ST6GALNAC3: variants seen among roughly 807,000 people sequenced by gnomAD.
The protein encoded by ST6GALNAC3 is ST6 N-acetylgalactosaminide alpha-2,6-sialyltransferase 3.
Under a neutral mutation model 32.7 loss-of-function variants are expected in ST6GALNAC3, and 25 were observed. The ratio of observed to expected loss-of-function variants is 0.76; its 90% confidence interval spans 0.56 to 1.07. ST6GALNAC3 has a LOEUF of 1.07. ST6GALNAC3 is among the 50% of genes least tolerant of loss of function. The probability of loss-of-function intolerance (pLI) is 0.00; values close to 1 mark genes in which losing one functional copy is unlikely to be tolerated. For synonymous variants in ST6GALNAC3, 129 were observed against 133.1 expected (o/e 0.97, Z 0.21); for missense variants, 355 against 382.4 (o/e 0.93, Z 0.60).
intron 2 of ST6GALNAC3, among the ~76,000 whole-genome samples, chr1:76,395,955 A>G (rs928438175): frequency 1.3e-5 from 2 of 152,198 alleles, no homozygotes; most frequent in African/African-American, 4.8e-5. Flanking sequence ...CAAAATAGCT[A>G]GAAGCGAGGA....
chr1:76,616,612 A>C (rs750572217), intron 3 of ST6GALNAC3, among the ~76,000 whole-genome samples: 1 of 152,192 alleles, frequency 6.6e-6, no homozygotes, highest in Non-Finnish European at 1.5e-5. Flanking sequence ...AGCCTATTGG[A>C]AAAATGACAG....
At chr1:76,240,971 A>T (rs555731617) in intron 1 of ST6GALNAC3, among the ~76,000 whole-genome samples, 1 of 152,256 alleles carries the variant, frequency 6.6e-6, no homozygotes, top group Admixed American at 6.5e-5. Context: ...TAATCTTTTT[A>T]TTTACCTATT....
At chr1:76,224,724 A>C (rs927068384) in intron 1 of ST6GALNAC3, among the ~76,000 whole-genome samples, 1 of 152,198 alleles carries the variant, frequency 6.6e-6, no homozygotes, top group African/African-American at 2.4e-5. Context: ...AGGTGGATAG[A>C]AATATTTCCC....
Position 76,605,236 on chromosome 1 carries a change from A to G in ST6GALNAC3, c.624-22216A>G, listed in dbSNP as rs150160038. ...TTGATAGAAGATGATATTTCTGAGT[A>G]TTAACGTATGAGTAGGAGTTTGCTT... On this transcript the variant is annotated intron_variant, in intron 3 of 4. Transcript: ENST00000328299. Among the ~76,000 whole-genome samples the G allele has an allele frequency of 1.1e-4, 17 of 152,292 alleles. No individual in the cohort carries two copies. The East Asian group carries it at 3.3e-3, about 29-fold the overall frequency.
chr1:76,173,150 G>T (rs917468694), intron 1 of ST6GALNAC3, among the ~76,000 whole-genome samples: 1 of 152,054 alleles, frequency 6.6e-6, no homozygotes, highest in Admixed American at 6.5e-5. Flanking sequence ...ACTGACTAAT[G>T]GAGCAGAGTA....
At chr1:76,369,780 G>T (rs1650671650) in intron 2 of ST6GALNAC3, among the ~76,000 whole-genome samples, 1 of 152,120 alleles carries the variant, frequency 6.6e-6, no homozygotes, top group Non-Finnish European at 1.5e-5. Flanking sequence ...GACTTGAGGG[G>T]AAATATTCAG....
intron 1 of ST6GALNAC3, among the ~76,000 whole-genome samples, chr1:76,216,145 A>G (rs982867680): frequency 6.6e-6 from 1 of 152,216 alleles, no homozygotes; most frequent in African/African-American, 2.4e-5. Context: ...CTTGGTTGAA[A>G]TACTTCACCT....
At chr1:76,124,981 A>T (rs971880634) in intron 1 of ST6GALNAC3, among the ~76,000 whole-genome samples, 1 of 152,260 alleles carries the variant, frequency 6.6e-6, no homozygotes, top group African/African-American at 2.4e-5. Context: ...AAAATAGCTC[A>T]TTAATAATTT....
intron 3 of ST6GALNAC3, among the ~76,000 whole-genome samples, chr1:76,611,102 T>C (rs1243004761): frequency 6.6e-6 from 1 of 152,090 alleles, no homozygotes; most frequent in Non-Finnish European, 1.5e-5. Context: ...CATATATCCT[T>C]AGGCACTAAA....
chr1:76,170,103 A>G (rs1259802550), intron 1 of ST6GALNAC3, among the ~76,000 whole-genome samples: 2 of 152,070 alleles, frequency 1.3e-5, no homozygotes, highest in Admixed American at 1.3e-4. Flanking sequence ...AAGATTTTAG[A>G]GGGCCAACAT....
intron 3 of ST6GALNAC3, among the ~76,000 whole-genome samples, chr1:76,503,655 A>G (rs1412377846): frequency 1.3e-5 from 2 of 152,244 alleles, no homozygotes; most frequent in Non-Finnish European, 2.9e-5. Flanking sequence ...AAATCTGGAC[A>G]AGTGTGCTAG....
chr1:76,279,893 C>T (rs1003255700), intron 1 of ST6GALNAC3, among the ~76,000 whole-genome samples: 1 of 152,160 alleles, frequency 6.6e-6, no homozygotes, highest in African/African-American at 2.4e-5. Context: ...ATAGGTTACT[C>T]GACTGGAGGA....
At chr1:76,479,144 C>T (rs1011598712) in intron 3 of ST6GALNAC3, among the ~76,000 whole-genome samples, 2 of 152,084 alleles carry the variant, frequency 1.3e-5, no homozygotes, top group East Asian at 3.9e-4. Context: ...GAACTAAATA[C>T]TTTCCACTCC....
At chr1:76,123,836 A>G (rs923719232) in intron 1 of ST6GALNAC3, among the ~76,000 whole-genome samples, 2 of 124,492 alleles carry the variant, frequency 1.6e-5, no homozygotes, top group Non-Finnish European at 3.1e-5. Context: ...TGCAACCTCC[A>G]CCTCCCAGGT....
intron 3 of ST6GALNAC3, among the ~76,000 whole-genome samples, chr1:76,435,482 A>C (rs1388022629): frequency 6.6e-6 from 1 of 152,142 alleles, no homozygotes; most frequent in African/African-American, 2.4e-5. Flanking sequence ...GAAAGTTTTA[A>C]AGACTTGATA....
At chr1:76,492,112 A>T (rs1660539430) in intron 3 of ST6GALNAC3, among the ~76,000 whole-genome samples, 1 of 152,116 alleles carries the variant, frequency 6.6e-6, no homozygotes, top group African/African-American at 2.4e-5. Flanking sequence ...AGTAACCTGC[A>T]CCATGACTAG....
At chr1:76,470,280 G>T (rs1658930128) in intron 3 of ST6GALNAC3, among the ~76,000 whole-genome samples, 1 of 151,928 alleles carries the variant, frequency 6.6e-6, no homozygotes, top group African/African-American at 2.4e-5. Flanking sequence ...TAGAAACATA[G>T]ATCATAATAT....
chr1:76,124,410 G>A (rs1649098434), intron 1 of ST6GALNAC3, among the ~76,000 whole-genome samples: 1 of 152,218 alleles, frequency 6.6e-6, no homozygotes, highest in Admixed American at 6.5e-5. Context: ...GACTGGGCTG[G>A]GGAGGGGCCT....
chr1:76,333,669 A>T (rs1028077417), intron 2 of ST6GALNAC3, among the ~76,000 whole-genome samples: 1 of 152,188 alleles, frequency 6.6e-6, no homozygotes, highest in African/African-American at 2.4e-5. Flanking sequence ...TTGGTTGTCC[A>T]TATTTCCTTT....
Sources: gnomAD v4.1 joint callset for allele counts (sites outside exome capture counted in the v4.1 genomes callset) on GRCh38, gnomAD v4.1.1 for gene constraint, MANE v1.5 for transcripts, NCBI Gene and HGNC (gene_info 2026-07-23, HGNC 2026-07-21) for gene names.